ARID2: variants seen among roughly 807,000 people sequenced by gnomAD.
The protein encoded by ARID2 is AT-rich interaction domain 2, also known as AT-rich interactive domain-containing protein 2.
Under a neutral mutation model 184.6 loss-of-function variants are expected in ARID2, and 32 were observed. The ratio of observed to expected loss-of-function variants is 0.17; its 90% confidence interval spans 0.13 to 0.23. The LOEUF (loss-of-function observed/expected upper bound fraction) is 0.23, where lower values mean the gene tolerates loss of function less well. ARID2 is among the 10% of genes least tolerant of loss of function. The pLI, the probability that ARID2 is intolerant of heterozygous loss-of-function variation, is 1.00. For missense variants in ARID2, 1,696 were observed against 2,197.6 expected (o/e 0.77, Z 4.56); for synonymous variants, 836 against 772.6 (o/e 1.08, Z -1.36).
intron 3 of ARID2, among the ~76,000 whole-genome samples, chr12:45,749,305 A>T (rs931589417): frequency 2.0e-5 from 3 of 152,170 alleles, no homozygotes; most frequent in African/African-American, 7.2e-5. Flanking sequence ...TTTGAAAGTG[A>T]TCTTTTTTTT....
At chr12:45,759,078 TATTA>T (rs1016891047) in intron 3 of ARID2, among the ~76,000 whole-genome samples, 13 of 152,140 alleles carry the variant, frequency 8.5e-5, no homozygotes, top group African/African-American at 2.4e-4. Context: ...AGCAGGCTGT[TATTA>T]ATTATTCTGA....
At chr12:45,758,639 T>G (rs1941615935) in intron 3 of ARID2, among the ~76,000 whole-genome samples, 1 of 152,228 alleles carries the variant, frequency 6.6e-6, no homozygotes, top group Non-Finnish European at 1.5e-5. Flanking sequence ...AGTCTAGGAC[T>G]GATAATGTAG....
intron 3 of ARID2, among the ~76,000 whole-genome samples, chr12:45,792,842 A>G (rs1001540399): frequency 6.6e-6 from 1 of 152,204 alleles, no homozygotes; most frequent in Non-Finnish European, 1.5e-5. Flanking sequence ...TCTGATATTA[A>G]TATAGCTATA....
chr12:45,738,980 T>G (rs1328978035), intron 3 of ARID2, among the ~76,000 whole-genome samples: 1 of 151,856 alleles, frequency 6.6e-6, no homozygotes, highest in South Asian at 2.1e-4. Flanking sequence ...GTCTTTTTTT[T>G]TCTTTTTGAG....
rs765630775 is a variant in ARID2, at chr12:45,731,339, G to T, written c.284+25G>T. ...GGTGAGTAGTAGTGACTTTTCCATA[G>T]TATTTGGAAATAAGGGACTTATGGA... On this transcript the variant is annotated intron_variant, in intron 3 of 20. Transcript: ENST00000334344. 35 of 1,541,936 alleles carry T rather than the reference G, an allele frequency of 2.3e-5. No individual in the cohort carries two copies. The Admixed American group carries it at 5.7e-4, about 25-fold the overall frequency.
At chr12:45,889,281 C>A (rs1389549102) in intron 16 of ARID2, among the ~76,000 whole-genome samples, 2 of 152,134 alleles carry the variant, frequency 1.3e-5, no homozygotes, top group African/African-American at 4.8e-5. Flanking sequence ...TTTAAAAACA[C>A]ATACATACTC....
rs1314205383 is a variant in ARID2, at chr12:45,876,551, CAAA to C, written c.4923-15224_4923-15222del. On this transcript the variant is annotated intron_variant, in intron 16 of 20. Coordinates refer to ENST00000334344, the MANE Select transcript of ARID2 (RefSeq NM_152641.4). The stretch of plus-strand genomic sequence containing the variant: ...GGGCAACAAGAGCGAAACTCCATCT[CAAA>C]AAAAGAAAAAAAAGGAAAAAAAAAA... 2.6e-5 allele frequency among the ~76,000 whole-genome samples: 3 copies of C among 117,620 alleles called. No homozygotes were observed. In the East Asian group the frequency reaches 7.6e-4, roughly 30 times the overall value. 77.2% of individuals were successfully genotyped at this position (117,620 alleles called of 152,430 possible).
At chr12:45,900,033 T>G (rs141641950) in intron 20 of ARID2, among the ~76,000 whole-genome samples, 185 of 152,068 alleles carry the variant, frequency 1.2e-3, no homozygotes, top group African/African-American at 4.3e-3. Flanking sequence ...TTGAGCCAAG[T>G]GCTATACTAT....
In ARID2 at chr12:45,811,577, A is replaced by G. The variant is rs1464917958; in HGVS notation, c.418+26A>G. ...GTAAATATCACTGCAAATTAACAGG[A>G]TATATGTCCGCAGTTTTGAATTAGG... On this transcript the variant is annotated intron_variant, in intron 4 of 20. Coordinates refer to ENST00000334344, the MANE Select transcript of ARID2 (RefSeq NM_152641.4). The G allele has an allele frequency of 4.4e-6, 7 of 1,607,398 alleles. No homozygotes were observed. In the South Asian group the frequency reaches 4.4e-5, roughly 10 times the overall value.
In ARID2 at chr12:45,837,916, G is replaced by A. The variant is rs536000321; in HGVS notation, c.1330+209G>A. The stretch of plus-strand genomic sequence containing the variant: ...CAATAATTACATTCTTTAACGTTAT[G>A]CAACATTGTCTTGTTTATTTTTTAT... On this transcript the variant is annotated intron_variant, in intron 10 of 20. Coordinates refer to ENST00000334344, the MANE Select transcript of ARID2 (RefSeq NM_152641.4). Among the ~76,000 whole-genome samples the A allele has an allele frequency of 1.8e-3, 267 of 152,174 alleles. 1 individual carries two copies. Among genetic ancestry groups the A allele is most frequent in the African/African-American group, 5.9e-3 (246 of 41,518 alleles).
intron 16 of ARID2, among the ~76,000 whole-genome samples, chr12:45,863,782 C>G (rs968315707): frequency 6.6e-6 from 1 of 151,694 alleles, no homozygotes; most frequent in East Asian, 1.9e-4. Context: ...GTATTGGCAC[C>G]ACACTTTATG....
rs1203542884 is a variant in ARID2, at chr12:45,730,125, C to T, written c.174C>T (p.Gly58=). The T allele has an allele frequency of 6.2e-7, 1 of 1,612,924 alleles. No homozygotes were observed. Among genetic ancestry groups the T allele is most frequent in the Non-Finnish European group, 8.5e-7 (1 of 1,179,366 alleles). The change falls in exon 2 of 21, where the codon GGC becomes GGT. Residue 58 remains glycine, a synonymous_variant. Coordinates refer to ENST00000334344, the MANE Select transcript of ARID2 (RefSeq NM_152641.4). ...TCTACACCAGAGTCACTACTTTAGG[C>T]GGATTCGCGAAGGTGAGTGGAAGTT... ...HGLYTRVTTL[G]GFAKVSEKNQ...
chr12:45,815,148 G>A (rs1942783507), intron 4 of ARID2, among the ~76,000 whole-genome samples: 1 of 152,084 alleles, frequency 6.6e-6, no homozygotes, highest in Non-Finnish European at 1.5e-5. Flanking sequence ...AGGAATACGG[G>A]TTCCACATTT....
At chr12:45,865,617 C>T (rs1454032230) in intron 16 of ARID2, among the ~76,000 whole-genome samples, 1 of 151,978 alleles carries the variant, frequency 6.6e-6, no homozygotes, top group African/African-American at 2.4e-5. Context: ...AGAAGAACCC[C>T]CATGTTTTTA....
chr12:45,748,608 G>T (rs571211247), intron 3 of ARID2, among the ~76,000 whole-genome samples: 5 of 151,944 alleles, frequency 3.3e-5, no homozygotes, highest in Admixed American at 3.3e-4. Context: ...TTTCTTTCAC[G>T]AGAGGTTTCT....
chr12:45,811,069 T>A lies in ARID2; in HGVS notation c.285-349T>A, dbSNP rs544951088. Among the ~76,000 whole-genome samples, 30 of 151,820 alleles carry A rather than the reference T, an allele frequency of 2.0e-4. No homozygotes were observed. In the South Asian group the frequency reaches 6.2e-3, roughly 32 times the overall value. On this transcript the variant is annotated intron_variant, in intron 3 of 20. Transcript: ENST00000334344. ...CAAAAAATACAAAAAATTAGCCGGG[T>A]GTGGTGGCAGTCGCCTGTAGTCCCA...
chr12:45,852,428 A>C lies in ARID2; in HGVS notation c.4305A>C (p.Ser1435=), dbSNP rs1410244179. The C allele has an allele frequency of 6.2e-7, 1 of 1,614,168 alleles. No individual in the cohort carries two copies. Among genetic ancestry groups the C allele is most frequent in the Admixed American group, 1.7e-5 (1 of 60,014 alleles). The change falls in exon 15 of 21, where the codon TCA becomes TCC. Residue 1435 remains serine (S), a synonymous_variant. Coordinates refer to ENST00000334344, the MANE Select transcript of ARID2 (RefSeq NM_152641.4). The stretch of plus-strand genomic sequence containing the variant: ...CTGTGAGCAGTATACAGGAGGCTTC[A>C]AATGCGGCAACACAGCAATTTAGTG... The part of the protein sequence containing the change: ...GSSVSSIQEA[S]NAATQQFSGT...
At chr12:45,864,630 T>G (rs1013931682) in intron 16 of ARID2, among the ~76,000 whole-genome samples, 1 of 152,324 alleles carries the variant, frequency 6.6e-6, no homozygotes, top group East Asian at 1.9e-4. Context: ...ATTGGTAGTT[T>G]GGTCCAAATA....
At chr12:45,784,479 G>A (rs1015260644) in intron 3 of ARID2, among the ~76,000 whole-genome samples, 3 of 152,040 alleles carry the variant, frequency 2.0e-5, no homozygotes, top group Admixed American at 2.0e-4. Context: ...AGCTGGGGGC[G>A]GTGGCCTGGG....
Sources: allele counts gnomAD v4.1 joint callset (sites outside exome capture counted in the v4.1 genomes callset), GRCh38; gene constraint gnomAD v4.1.1; transcripts MANE v1.5; gene names NCBI Gene and HGNC (gene_info 2026-07-23, HGNC 2026-07-21).